The following CNTLN variants were observed in gnomAD, a reference collection of about 807,000 sequenced individuals.
CNTLN encodes the protein centlein.
CNTLN carries 212 observed loss-of-function variants against 180.0 expected under a neutral mutation model. The ratio of observed to expected loss-of-function variants is 1.18; its 90% CI spans 1.05 to 1.32. The LOEUF (loss-of-function observed/expected upper bound fraction) is 1.32, where lower values mean the gene tolerates loss of function less well. Ranked by LOEUF, CNTLN falls within the 40% of genes most tolerant of loss-of-function variation. The pLI is 0.00. For synonymous variants in CNTLN, 722 were observed against 563.1 expected (o/e 1.28, Z -3.99); for missense variants, 2,095 against 1,610.9 (o/e 1.30, Z -5.14).
intron 2 of CNTLN, among the ~76,000 whole-genome samples, chr9:17,216,176 A>G (rs918012999): frequency 6.6e-6 from 1 of 152,110 alleles, no homozygotes; most frequent in East Asian, 1.9e-4. Context: ...AGCTGTTCCT[A>G]TTTGACCAAC....
intron 6 of CNTLN, among the ~76,000 whole-genome samples, chr9:17,295,018 C>G (rs1044897953): frequency 6.6e-6 from 1 of 151,704 alleles, no homozygotes; most frequent in African/African-American, 2.4e-5. Flanking sequence ...TTGAGAGCAG[C>G]GCCGGTGGGC....
At chr9:17,497,592 A>G (rs536462539) in intron 25 of CNTLN, among the ~76,000 whole-genome samples, 24 of 152,310 alleles carry the variant, frequency 1.6e-4, no homozygotes, top group African/African-American at 5.8e-4. Flanking sequence ...CTTCTAGAGT[A>G]ATTCAAAATT....
intron 6 of CNTLN, among the ~76,000 whole-genome samples, chr9:17,283,603 G>T (rs1828796033): frequency 6.6e-6 from 1 of 152,060 alleles, no homozygotes. Flanking sequence ...TGTCTTCCCT[G>T]ACTGCCCTGG....
At chr9:17,282,134 T>A (rs1189157693) in intron 6 of CNTLN, among the ~76,000 whole-genome samples, 2 of 152,142 alleles carry the variant, frequency 1.3e-5, no homozygotes, top group Non-Finnish European at 2.9e-5. Context: ...AGCTAGTTTT[T>A]GTATTTTTAG....
At chr9:17,404,823 C>T (rs181782551) in intron 15 of CNTLN, among the ~76,000 whole-genome samples, 89 of 150,744 alleles carry the variant, frequency 5.9e-4, no homozygotes, top group East Asian at 7.8e-4. Context: ...CTGCAGGCTC[C>T]ACCTCCTGGG....
rs565132298 is a variant in CNTLN, at chr9:17,313,342, A to T, written c.1341+4090A>T. On this transcript the variant is annotated intron_variant, in intron 8 of 25. Coordinates refer to ENST00000380647, the MANE Select transcript of CNTLN (RefSeq NM_017738.4). ...TTGGGTTTAGGTGTACCATATTATC[A>T]TTTGTTTTCTGTTCATCCTGTTTTT... 2.6e-5 allele frequency among the ~76,000 whole-genome samples: 4 copies of T among 152,060 alleles called. No individual in the cohort carries two copies. The East Asian group carries it at 7.8e-4, about 30-fold the overall frequency.
At chr9:17,198,301 T>C (rs919042847) in intron 2 of CNTLN, among the ~76,000 whole-genome samples, 1 of 152,066 alleles carries the variant, frequency 6.6e-6, no homozygotes, top group Non-Finnish European at 1.5e-5. Flanking sequence ...AGGGATTGCA[T>C]TGAATCTGTA....
At chr9:17,353,098 C>T (rs10114688) in intron 12 of CNTLN, among the ~76,000 whole-genome samples, 90,070 of 151,154 alleles carry the variant, frequency 0.6, 27,012 homozygotes, top group East Asian at 0.73. Flanking sequence ...CACTGGGCCA[C>T]ATGCTAATCT....
chr9:17,479,510 G>T (rs1160845290), intron 23 of CNTLN, among the ~76,000 whole-genome samples: 1 of 152,142 alleles, frequency 6.6e-6, no homozygotes, highest in East Asian at 1.9e-4. Flanking sequence ...TCAAAGAGTG[G>T]AATGGTGTTT....
intron 23 of CNTLN, among the ~76,000 whole-genome samples, chr9:17,472,150 T>C (rs1279674458): frequency 6.6e-6 from 1 of 152,132 alleles, no homozygotes; most frequent in Non-Finnish European, 1.5e-5. Context: ...GTAACAACAC[T>C]ACTCATTATG....
intron 8 of CNTLN, among the ~76,000 whole-genome samples, chr9:17,316,190 T>A (rs1819529678): frequency 6.6e-6 from 1 of 152,094 alleles, no homozygotes; most frequent in Admixed American, 6.5e-5. Context: ...TTATAAAATG[T>A]CCTTTACCTT....
intron 24 of CNTLN, 26 bp from the exon 25 acceptor site, chr9:17,486,963 C>G: frequency 2.4e-6 from 3 of 1,270,616 alleles, no homozygotes; most frequent in African/African-American, 1.5e-5. Context: ...TTCGTTAACA[C>G]CAGTGTTTTT....
intron 23 of CNTLN, among the ~76,000 whole-genome samples, chr9:17,481,957 G>A (rs1341877944): frequency 6.6e-6 from 1 of 152,178 alleles, no homozygotes; most frequent in Non-Finnish European, 1.5e-5. Context: ...GACTATTCCT[G>A]CTGAAGAAAA....
chr9:17,421,799 C>G (rs1828744831), intron 18 of CNTLN, among the ~76,000 whole-genome samples: 1 of 152,092 alleles, frequency 6.6e-6, no homozygotes, highest in South Asian at 2.1e-4. Flanking sequence ...TTATTTTAAA[C>G]TGATAACAAC....
intron 6 of CNTLN, among the ~76,000 whole-genome samples, chr9:17,292,200 G>A (rs1008094947): frequency 6.6e-6 from 1 of 152,056 alleles, no homozygotes; most frequent in Non-Finnish European, 1.5e-5. Flanking sequence ...CTTTGTAGGT[G>A]ATCTCCCCTT....
chr9:17,527,934 A>AT, the CNTLN span, among the ~76,000 whole-genome samples: 1 of 152,280 alleles, frequency 6.6e-6, no homozygotes, highest in Admixed American at 6.5e-5. Context: ...AACTGGAACA[A>AT]TTTGATCAAC....
intron 8 of CNTLN, among the ~76,000 whole-genome samples, chr9:17,324,403 A>G (rs887020726): frequency 2.6e-5 from 4 of 152,204 alleles, no homozygotes; most frequent in Non-Finnish European, 4.4e-5. Flanking sequence ...AAAGAAATTT[A>G]TAGAAAAATC....
the CNTLN span, among the ~76,000 whole-genome samples, chr9:17,516,075 T>C: frequency 6.6e-6 from 1 of 152,302 alleles, no homozygotes; most frequent in East Asian, 1.9e-4. Flanking sequence ...CAGTTCTCTG[T>C]CTGGAATTCT....
In CNTLN at chr9:17,462,963, G is replaced by C. The variant is rs768978772; in HGVS notation, c.3354G>C (p.Leu1118Phe). ...AACAGTCATCAAATGTGAAGACTTTGAAATTTGAACTCCTAGCAAAAGAAG... is the reference window on the plus strand; with the variant it reads ...AACAGTCATCAAATGTGAAGACTTTCAAATTTGAACTCCTAGCAAAAGAAG... ...LTKQSSNVKT[L>F]KFELLAKEEH... Residue 1118 changes from leucine (L) to phenylalanine (F), a missense_variant, in exon 20 of 26, where the codon TTG (leucine) becomes TTC (phenylalanine). Leu to Phe is a conservative substitution (Grantham distance 22). Coordinates refer to ENST00000380647, the MANE Select transcript of CNTLN (RefSeq NM_017738.4). The C allele has an allele frequency of 3.8e-6, 6 of 1,583,920 alleles. No homozygotes were observed. The African/African-American group carries it at 8.3e-5, about 22-fold the overall frequency.
Sources: gnomAD v4.1 joint callset for allele counts (sites outside exome capture counted in the v4.1 genomes callset) on GRCh38, gnomAD v4.1.1 for gene constraint, MANE v1.5 for transcripts, NCBI Gene and HGNC (gene_info 2026-07-23, HGNC 2026-07-21) for gene names.